NPLOC4: variants seen among roughly 807,000 people sequenced by gnomAD.
NPLOC4 encodes NPL4 homolog, ubiquitin recognition factor.
NPLOC4 carries 18 observed loss-of-function variants against 80.6 expected under a neutral mutation model. That is an observed-to-expected ratio of 0.22 (90% confidence interval 0.15 to 0.33). The LOEUF is 0.33. Among genes scored for constraint, NPLOC4 ranks in the 10% least tolerant of loss-of-function variants. The probability of loss-of-function intolerance (pLI) is 1.00; values close to 1 mark genes in which losing one functional copy is unlikely to be tolerated. For missense variants in NPLOC4, 540 were observed against 786.1 expected (o/e 0.69, Z 3.74); for synonymous variants, 313 against 301.5 (o/e 1.04, Z -0.39).
At chr17:81,603,511 G>A (rs150095363) in intron 8 of NPLOC4, among the ~76,000 whole-genome samples, 10 of 152,242 alleles carry the variant, frequency 6.6e-5, no homozygotes, top group African/African-American at 1.4e-4. Context: ...CAGGAGGATC[G>A]CTTGAGCCCA....
In NPLOC4 at chr17:81,604,528, T is replaced by G; in HGVS notation, c.834+20A>C. On this transcript the variant is annotated intron_variant, in intron 8 of 16. Coordinates refer to ENST00000331134, the MANE Select transcript of NPLOC4 (RefSeq NM_017921.4). ...CCTCCAAACACAGAAACTCAGGAAC[T>G]TGAATCCCGTCATGTTTACCTGAGG... is the stretch of plus-strand genomic sequence containing the variant. 6.2e-7 allele frequency: 1 copy of G among 1,606,704 alleles called. No individual in the cohort carries two copies. The highest frequency in any genetic ancestry group is 8.5e-7 in the Non-Finnish European group (1 of 1,176,408).
intron 3 of NPLOC4, among the ~76,000 whole-genome samples, chr17:81,613,772 C>G (rs1427864711): frequency 6.6e-6 from 1 of 152,108 alleles, no homozygotes; most frequent in Non-Finnish European, 1.5e-5. Context: ...CTTGCACACA[C>G]AGCCACAATG....
At chr17:81,597,159 C>T (rs909501109) in intron 10 of NPLOC4, 86 bp downstream of exon 10, 24 of 882,722 alleles carry the variant, frequency 2.7e-5, no homozygotes, top group African/African-American at 1.4e-4. Flanking sequence ...CTAGAACCAG[C>T]GGTGCAAAGA....
At chr17:81,579,485 C>T (rs532753277) in intron 12 of NPLOC4, among the ~76,000 whole-genome samples, 1 of 152,252 alleles carries the variant, frequency 6.6e-6, no homozygotes, top group South Asian at 2.1e-4. Flanking sequence ...TTCACAAGTT[C>T]CTGGTCTAAA....
chr17:81,613,128 A>AAAC (rs2035387567), intron 4 of NPLOC4, 190 bp downstream of exon 4: 3 of 251,070 alleles, frequency 1.2e-5, no homozygotes, highest in Non-Finnish European at 1.8e-5. Flanking sequence ...ATAAAAAGCT[A>AAAC]AAAAAAAAAA....
At chr17:81,563,916 C>T (rs1281521583) in intron 16 of NPLOC4, 7 of 454,742 alleles carry the variant, frequency 1.5e-5, no homozygotes, top group South Asian at 9.3e-5. Flanking sequence ...TGGGTACTCA[C>T]GTACATAAAG....
intron 15 of NPLOC4, 42 bp from the exon 16 acceptor site, chr17:81,565,649 A>AG (rs1322980545): frequency 7.0e-7 from 1 of 1,421,808 alleles, no homozygotes; most frequent in Non-Finnish European, 9.5e-7. Context: ...GCTGTGCCTA[A>AG]GGTGAGCAGC....
At chr17:81,618,768 G>A (rs2035582200) in intron 3 of NPLOC4, among the ~76,000 whole-genome samples, 1 of 152,072 alleles carries the variant, frequency 6.6e-6, no homozygotes, top group African/African-American at 2.4e-5. Flanking sequence ...AGAAAAGGGG[G>A]AAAGGTGGGG....
chr17:81,628,080 T>C (rs570872793), intron 2 of NPLOC4, among the ~76,000 whole-genome samples: 157 of 143,398 alleles, frequency 1.1e-3, no homozygotes, highest in Admixed American at 3.0e-3. Flanking sequence ...GGCATGGTGG[T>C]GGGCGCCTGT....
Position 81,636,938 on chromosome 17 carries a change from G to A in NPLOC4, c.-8C>T. On this transcript the variant is annotated 5_prime_UTR_variant, in exon 1 of 17. Coordinates refer to ENST00000331134, the MANE Select transcript of NPLOC4 (RefSeq NM_017921.4). Reference sequence around the variant, plus strand: ...CACGATGCTCTCGGCCATGGCGGCTGCTCCTGCCTCCGGGCTCGAGCCCCG... The same window carrying A: ...CACGATGCTCTCGGCCATGGCGGCTACTCCTGCCTCCGGGCTCGAGCCCCG... 2 of 1,363,652 alleles carry A rather than the reference G, an allele frequency of 1.5e-6. No individual in the cohort carries two copies. The highest frequency in any genetic ancestry group is 1.9e-6 in the Non-Finnish European group (2 of 1,053,072). The allele number at this position is 1,363,652 out of a possible 1,614,324, so 84.5% of individuals were successfully genotyped here. A position where few individuals can be genotyped will look rare whatever the true frequency, so the allele number is the denominator to read the frequency against.
chr17:81,559,177 T>A lies in NPLOC4; in HGVS notation c.*82A>T. On this transcript the variant is annotated 3_prime_UTR_variant, in exon 17 of 17. Transcript: ENST00000331134. ...CCAGGGCTGCCCACTATGGGGCAGT[T>A]ACAGGGAACACACTCAGCAACGCTT... 1 of 1,448,028 alleles carries A rather than the reference T, an allele frequency of 6.9e-7. No individual in the cohort carries two copies. Among genetic ancestry groups the A allele is most frequent in the Non-Finnish European group, 9.2e-7 (1 of 1,085,342 alleles). 89.7% of individuals were successfully genotyped at this position (1,448,028 alleles called of 1,614,324 possible).
At chr17:81,561,474 T>G (rs1382111953) in intron 16 of NPLOC4, among the ~76,000 whole-genome samples, 2 of 152,200 alleles carry the variant, frequency 1.3e-5, no homozygotes, top group African/African-American at 4.8e-5. Flanking sequence ...ATTTATCAAT[T>G]TACCTATTTT....
Position 81,577,183 on chromosome 17 carries a change from C to G in NPLOC4, c.1282-5095G>C, listed in dbSNP as rs943171476. 3.3e-5 allele frequency among the ~76,000 whole-genome samples: 5 copies of G among 152,044 alleles called. No individual in the cohort carries two copies. Among genetic ancestry groups the G allele is most frequent in the African/African-American group, 4.8e-5 (2 of 41,368 alleles). On this transcript the variant is annotated intron_variant, in intron 12 of 16. Coordinates refer to ENST00000331134, the MANE Select transcript of NPLOC4 (RefSeq NM_017921.4). This position sits in a 1 kb window ranked among gnomAD's most constrained non-coding sequence, Gnocchi z 4.3. ...TGGCTCCTTGAAGGAACGCTGTTCC[C>G]TTGCTGCTCCTATGTCCCCTCAGCT...
intron 11 of NPLOC4, among the ~76,000 whole-genome samples, chr17:81,591,410 G>A (rs926041428): frequency 1.4e-4 from 18 of 130,780 alleles, no homozygotes; most frequent in Admixed American, 5.3e-4. Context: ...ACTCCAGCCC[G>A]GGCAATGGAG....
At position 81,594,200 on chromosome 17, in the gene NPLOC4, G is replaced by A. The variant is rs530809873; in HGVS notation, c.1120+1916C>T. 9.1e-4 allele frequency among the ~76,000 whole-genome samples: 134 copies of A among 147,456 alleles called. 1 individual carries two copies. The highest frequency in any genetic ancestry group is 3.2e-3 in the African/African-American group (128 of 39,858). On this transcript the variant is annotated intron_variant, in intron 11 of 16. Coordinates refer to ENST00000331134, the MANE Select transcript of NPLOC4 (RefSeq NM_017921.4). ...TGAGGCAGGAAAATGGCGTGAACCC[G>A]GGAGGTGGAGCTTGCAGTGAGCCAA...
Position 81,578,574 on chromosome 17 carries a change from C to A in NPLOC4, c.1282-6486G>T, listed in dbSNP as rs2034360680. Among the ~76,000 whole-genome samples the A allele has an allele frequency of 2.0e-5, 3 of 152,296 alleles. No individual in the cohort carries two copies. In the South Asian group the frequency reaches 6.2e-4, roughly 32 times the overall value. ...GGCTGGGGAGCCCTCAGGAAACTTA[C>A]AAGCATGACAGGAGGGGAAGGGGAA... is the stretch of plus-strand genomic sequence containing the variant. On this transcript the variant is annotated intron_variant, in intron 12 of 16. Transcript: ENST00000331134.
intron 7 of NPLOC4, among the ~76,000 whole-genome samples, chr17:81,604,952 C>T (rs1437464254): frequency 1.3e-5 from 2 of 152,070 alleles, no homozygotes; most frequent in Non-Finnish European, 2.9e-5. Flanking sequence ...GAGTGAGACC[C>T]CTTGTATCTT....
intron 16 of NPLOC4, 191 bp downstream of exon 16, chr17:81,565,314 G>A: frequency 2.8e-6 from 2 of 703,802 alleles, no homozygotes; most frequent in Non-Finnish European, 5.2e-6. Context: ...CAACATGTCT[G>A]CTCCATCACC....
chr17:81,627,133 G>C (rs1035092990), intron 2 of NPLOC4, among the ~76,000 whole-genome samples: 2 of 151,932 alleles, frequency 1.3e-5, no homozygotes, highest in Non-Finnish European at 2.9e-5. Flanking sequence ...GCTCACTCTT[G>C]TAATCCCGGC....
Sources: allele counts gnomAD v4.1 joint callset (sites outside exome capture counted in the v4.1 genomes callset), GRCh38; gene constraint gnomAD v4.1.1; non-coding constraint Gnocchi (gnomAD v3.1); transcripts MANE v1.5; gene names NCBI Gene and HGNC (gene_info 2026-07-23, HGNC 2026-07-21).